The following STK39 variants were observed in gnomAD, a reference collection of about 807,000 sequenced individuals.
The protein encoded by STK39 is STE20/SPS1-related proline-alanine-rich protein kinase.
In STK39, 20 loss-of-function variants were observed where a neutral mutation model predicts 77.8. That is an observed-to-expected ratio of 0.26 (90% CI 0.18 to 0.37). STK39 has a LOEUF of 0.37. Among genes scored for constraint, STK39 ranks in the 10% least tolerant of loss-of-function variants. STK39 has a pLI of 1.00. For synonymous variants in STK39, 246 were observed against 234.1 expected, an observed-to-expected ratio of 1.05 and a Z score of -0.47; for missense variants, 479 against 656.5, an observed-to-expected ratio of 0.73 and a Z score of 2.95.
chr2:168,206,173 C>G lies in STK39; in HGVS notation c.209-24083G>C, dbSNP rs553802653. Among the ~76,000 whole-genome samples, 12 of 152,354 alleles carry G rather than the reference C, an allele frequency of 7.9e-5. No homozygotes were observed. In the East Asian group the frequency reaches 1.2e-3, roughly 15 times the overall value. On this transcript the variant is annotated intron_variant, in intron 1 of 17. Transcript: ENST00000355999. ...CTCCTTTTGCCTCCACATAGGCCCA[C>G]AGCTGGCATATCTATCCACATCCAG...
At chr2:168,118,039 G>C (rs1687303512) in intron 10 of STK39, among the ~76,000 whole-genome samples, 1 of 152,022 alleles carries the variant, frequency 6.6e-6, no homozygotes, top group South Asian at 2.1e-4. Context: ...GAAAGAAATG[G>C]TACACTAGGA....
intron 1 of STK39, among the ~76,000 whole-genome samples, chr2:168,223,980 C>T: frequency 6.6e-6 from 1 of 152,110 alleles, no homozygotes; most frequent in African/African-American, 2.4e-5. Flanking sequence ...AGTCAAATTA[C>T]TTCTATTACA....
chr2:168,093,408 A>G (rs1202091072), intron 10 of STK39, among the ~76,000 whole-genome samples: 3 of 152,218 alleles, frequency 2.0e-5, no homozygotes, highest in Non-Finnish European at 4.4e-5. Flanking sequence ...CAGCAGGCAC[A>G]TGAGCATGTG....
intron 14 of STK39, among the ~76,000 whole-genome samples, chr2:168,043,595 T>G (rs1685164314): frequency 6.6e-6 from 1 of 152,240 alleles, no homozygotes; most frequent in African/African-American, 2.4e-5. Flanking sequence ...AAGAGGAATA[T>G]AATAGGTTAC....
intron 10 of STK39, among the ~76,000 whole-genome samples, chr2:168,078,008 G>A (rs1686124852): frequency 6.6e-6 from 1 of 151,860 alleles, no homozygotes; most frequent in African/African-American, 2.4e-5. Context: ...TTATTACATT[G>A]CTCTTGTTCT....
chr2:168,008,008 C>T (rs1684174506), intron 16 of STK39, among the ~76,000 whole-genome samples: 1 of 152,096 alleles, frequency 6.6e-6, no homozygotes, highest in South Asian at 2.1e-4. Context: ...TTTTCATCAC[C>T]CCAAAAAGAA....
chr2:168,124,547 G>T (rs886736152), intron 10 of STK39, among the ~76,000 whole-genome samples: 1 of 152,066 alleles, frequency 6.6e-6, no homozygotes, highest in Non-Finnish European at 1.5e-5. Flanking sequence ...TTACAGGCAA[G>T]TGTCACCACG....
chr2:168,242,561 ATAT>A (rs370121795), intron 1 of STK39, among the ~76,000 whole-genome samples: 4,339 of 68,110 alleles, frequency 0.064, 694 homozygotes, highest in Non-Finnish European at 0.078. Flanking sequence ...AAAAAAAAAA[ATAT>A]ATATATATAT....
intron 5 of STK39, among the ~76,000 whole-genome samples, chr2:168,150,389 G>A (rs755805015): frequency 6.6e-6 from 1 of 152,170 alleles, no homozygotes; most frequent in Non-Finnish European, 1.5e-5. Context: ...TGTCTCATAT[G>A]TGCAGTAGAA....
chr2:167,967,614 C>T (rs115726068), intron 16 of STK39, among the ~76,000 whole-genome samples: 27 of 152,048 alleles, frequency 1.8e-4, no homozygotes, highest in South Asian at 6.2e-4. Context: ...ACGGAAAAGA[C>T]GCTGATGCTC....
chr2:168,031,914 T>C (rs536308316), intron 14 of STK39, among the ~76,000 whole-genome samples: 1 of 152,310 alleles, frequency 6.6e-6, no homozygotes, highest in South Asian at 2.1e-4. Context: ...AAAAACTAAA[T>C]TTGTTCTCGG....
chr2:168,041,800 A>G (rs760514125), intron 14 of STK39, among the ~76,000 whole-genome samples: 4 of 152,222 alleles, frequency 2.6e-5, no homozygotes, highest in Non-Finnish European at 4.4e-5. Flanking sequence ...GGCTCTGAAG[A>G]AATTACTTTA....
At chr2:167,973,840 T>C (rs1465384483) in intron 16 of STK39, among the ~76,000 whole-genome samples, 1 of 152,204 alleles carries the variant, frequency 6.6e-6, no homozygotes, top group Non-Finnish European at 1.5e-5. Context: ...TGTGTGAATA[T>C]ATTGACTAAA....
At chr2:168,072,636 G>C (rs1435732452) in intron 12 of STK39, among the ~76,000 whole-genome samples, 1 of 151,986 alleles carries the variant, frequency 6.6e-6, no homozygotes, top group Non-Finnish European at 1.5e-5. Flanking sequence ...ACTAAGACAG[G>C]GCACATAGTA....
At chr2:167,959,036 C>A (rs1380853250) in intron 17 of STK39, among the ~76,000 whole-genome samples, 2 of 152,178 alleles carry the variant, frequency 1.3e-5, no homozygotes, top group African/African-American at 4.8e-5. Context: ...AGTAGCGATA[C>A]AAGTTTTCCA....
At position 168,167,350 on chromosome 2, in the gene STK39, A is replaced by T. The variant is rs1294758361; in HGVS notation, c.379T>A (p.Ser127Thr). 6.2e-7 allele frequency: 1 copy of T among 1,613,670 alleles called. No individual in the cohort carries two copies. Residue 127 changes from serine (S) to threonine (T), a missense_variant, in exon 3 of 18, where the codon TCT becomes ACT. Physicochemically the swap from Ser to Thr is moderately conservative, Grantham distance 58. Coordinates refer to ENST00000355999, the MANE Select transcript of STK39 (RefSeq NM_013233.3). ...CAAAGTTCATCTTTGACCACAAAAG[A>T]GGTGTAATAGGTCACTACGTTGGGA... The part of the protein sequence containing the change: ...SHPNVVTYYT[S>T]FVVKDELWLV...
chr2:167,992,125 G>C (rs1683714618), intron 16 of STK39, among the ~76,000 whole-genome samples: 2 of 152,178 alleles, frequency 1.3e-5, no homozygotes, highest in African/African-American at 4.8e-5. Flanking sequence ...GTCTTCAGGG[G>C]CCTGGGAGAT....
At chr2:168,205,413 G>A (rs1574554133) in intron 1 of STK39, among the ~76,000 whole-genome samples, 1 of 152,036 alleles carries the variant, frequency 6.6e-6, no homozygotes, top group East Asian at 1.9e-4. Flanking sequence ...TCTTCAATGA[G>A]CATATATTGA....
chr2:168,105,673 T>C (rs1686950717), intron 10 of STK39, among the ~76,000 whole-genome samples: 1 of 152,226 alleles, frequency 6.6e-6, no homozygotes, highest in Admixed American at 6.5e-5. Flanking sequence ...GAAATACCAA[T>C]TGTGTATTTT....
Sources: gnomAD v4.1 joint callset for allele counts (sites outside exome capture counted in the v4.1 genomes callset) on GRCh38, gnomAD v4.1.1 for gene constraint, MANE v1.5 for transcripts, NCBI Gene and HGNC (gene_info 2026-07-23, HGNC 2026-07-21) for gene names.